Variants in ABCA5 observed in about 807,000 individuals in gnomAD.
ABCA5 encodes the protein cholesterol transporter ABCA5.
ABCA5 carries 163 observed loss-of-function variants against 206.0 expected under a neutral mutation model. The observed-to-expected ratio is 0.79, with a 90% CI of 0.70 to 0.90. The LOEUF (loss-of-function observed/expected upper bound fraction) is 0.90. Among genes scored for constraint, ABCA5 ranks in the 40% least tolerant of loss-of-function variants. The probability of loss-of-function intolerance (pLI) is 0.00; values close to 1 mark genes in which losing one functional copy is unlikely to be tolerated. For synonymous variants in ABCA5, 609 were observed against 613.8 expected, an observed-to-expected ratio of 0.99 and a Z score of 0.11; for missense variants, 1,859 against 1,912.9, an observed-to-expected ratio of 0.97 and a Z score of 0.53.
Position 69,289,157 on chromosome 17 carries a change from T to C in ABCA5, c.1902+20A>G. Reference sequence around the variant, plus strand: ...ACATAATTTAAAATGAGCTCATCTGTAAAAGTAATATTTATTTACCTTTGG... The same window carrying C: ...ACATAATTTAAAATGAGCTCATCTGCAAAAGTAATATTTATTTACCTTTGG... On this transcript the variant is annotated intron_variant, in intron 14 of 38. Coordinates refer to ENST00000392676, the MANE Select transcript of ABCA5 (RefSeq NM_172232.4). 2.5e-6 allele frequency: 4 copies of C among 1,592,622 alleles called. No individual in the cohort carries two copies. The highest frequency in any genetic ancestry group is 3.4e-6 in the Non-Finnish European group (4 of 1,173,094).
chr17:69,264,709 C>T (rs769183518), intron 24 of ABCA5, 26 bp downstream of exon 24: 1 of 1,404,224 alleles, frequency 7.1e-7, no homozygotes, highest in South Asian at 1.8e-5. Flanking sequence ...CTATAAATAG[C>T]ATGAGTACAA....
intron 20 of ABCA5, 62 bp from the exon 21 acceptor site, chr17:69,271,351 G>A: frequency 6.9e-7 from 1 of 1,459,568 alleles, no homozygotes; most frequent in Non-Finnish European, 9.3e-7. Flanking sequence ...TAGTAACACT[G>A]GGAAGATAAT....
Position 69,326,115 on chromosome 17 carries a change from G to A in ABCA5, c.-16+937C>T, listed in dbSNP as rs1434039770. Among the ~76,000 whole-genome samples the A allele has an allele frequency of 2.6e-5, 4 of 152,146 alleles. 1 individual carries two copies. The highest frequency in any genetic ancestry group is 5.9e-5 in the Non-Finnish European group (4 of 68,020). Reference sequence around the variant, plus strand: ...AATTAGGGTCTGGCAGCCCGGGTTGGAATCTCAACTCCATCCTTTTACTAG... The same window carrying A: ...AATTAGGGTCTGGCAGCCCGGGTTGAAATCTCAACTCCATCCTTTTACTAG... On this transcript the variant is annotated intron_variant, in intron 1 of 38. Transcript: ENST00000392676. This position sits in a 1 kb window ranked among gnomAD's most constrained non-coding sequence, Gnocchi z 4.8.
chr17:69,255,663 TAATC>T (rs1465984498), intron 30 of ABCA5, 29 bp from the exon 31 acceptor site: 1 of 1,572,908 alleles, frequency 6.4e-7, no homozygotes, highest in African/African-American at 1.4e-5. Context: ...AAAAAAATCA[TAATC>T]AAATCATACT....
rs569975960 is a variant in ABCA5, at chr17:69,252,440, C to T, written c.4416-574G>A. 2.8e-4 allele frequency among the ~76,000 whole-genome samples: 43 copies of T among 152,176 alleles called. No individual in the cohort carries two copies. In the South Asian group the frequency reaches 3.5e-3, roughly 12 times the overall value. On this transcript the variant is annotated intron_variant, in intron 34 of 38. Transcript: ENST00000392676. ...CAACAAATAAATTTTAAAATTGATGCCTTTTCATGTTATAACCAAAACAGG... is the reference window on the plus strand; with the variant it reads ...CAACAAATAAATTTTAAAATTGATGTCTTTTCATGTTATAACCAAAACAGG...
At chr17:69,291,142 G>C in intron 12 of ABCA5, 74 bp downstream of exon 12, 1 of 957,484 alleles carries the variant, frequency 1.0e-6, no homozygotes, top group South Asian at 2.6e-5. Flanking sequence ...TGGTCCCATT[G>C]ACAAAAATTA....
intron 1 of ABCA5, chr17:69,325,674 C>T (rs1028483027): frequency 1.3e-5 from 2 of 152,106 alleles, no homozygotes; most frequent in African/African-American, 4.8e-5. Context: ...AAGACTTCGT[C>T]TCTGAAAAAC....
At chr17:69,320,859 T>A (rs991871654) in intron 1 of ABCA5, among the ~76,000 whole-genome samples, 32 of 152,312 alleles carry the variant, frequency 2.1e-4, no homozygotes, top group African/African-American at 7.2e-4. Flanking sequence ...AAACACTAAC[T>A]CTACCCTATA....
At position 69,244,449 on chromosome 17, in the gene ABCA5, T is replaced by A. The variant is rs1012988540; in HGVS notation, c.*3088A>T. 4.0e-5 allele frequency: 6 copies of A among 151,890 alleles called. No homozygotes were observed. The highest frequency in any genetic ancestry group is 1.4e-4 in the African/African-American group (6 of 41,418). 9.4% of individuals were successfully genotyped at this position (151,890 alleles called of 1,614,324 possible). A position where few individuals can be genotyped will look rare whatever the true frequency, so the allele number is the denominator to read the frequency against. ...CAACTCTTAAAGCTTATTATTAATA[T>A]AATCATATTTATTTTTCTTAAAGAG... On this transcript the variant is annotated 3_prime_UTR_variant, in exon 39 of 39. Coordinates refer to ENST00000392676, the MANE Select transcript of ABCA5 (RefSeq NM_172232.4).
At chr17:69,253,314 T>C (rs2144894305) in intron 34 of ABCA5, among the ~76,000 whole-genome samples, 1 of 152,324 alleles carries the variant, frequency 6.6e-6, no homozygotes, top group East Asian at 1.9e-4. Context: ...TTCAGAACAC[T>C]AGAACTCTTT....
At chr17:69,293,477 C>T (rs1249209278) in intron 11 of ABCA5, among the ~76,000 whole-genome samples, 3 of 152,048 alleles carry the variant, frequency 2.0e-5, no homozygotes, top group South Asian at 2.1e-4. Flanking sequence ...GCTATGGTGC[C>T]GTTATTTGGT....
At chr17:69,248,704 T>A (rs1472311388) in intron 37 of ABCA5, 1 of 162,500 alleles carries the variant, frequency 6.2e-6, no homozygotes. Flanking sequence ...AACCTTTTGT[T>A]TTGTTTTGTT....
At chr17:69,295,470 A>G (rs565823589) in intron 10 of ABCA5, among the ~76,000 whole-genome samples, 6 of 152,192 alleles carry the variant, frequency 3.9e-5, no homozygotes, top group Admixed American at 2.6e-4. Flanking sequence ...GAGATAATTG[A>G]GTCACATGGC....
chr17:69,275,072 G>A (rs1276601993), intron 19 of ABCA5, among the ~76,000 whole-genome samples: 1 of 151,936 alleles, frequency 6.6e-6, no homozygotes, highest in Non-Finnish European at 1.5e-5. Context: ...TCAAACTCCT[G>A]GCCTCAAGTG....
At chr17:69,267,212 C>T (rs967060230) in intron 23 of ABCA5, among the ~76,000 whole-genome samples, 11 of 152,050 alleles carry the variant, frequency 7.2e-5, no homozygotes, top group African/African-American at 2.4e-4. Context: ...AAATAATGAG[C>T]TCATTATTCA....
At position 69,291,451 on chromosome 17, in the gene ABCA5, C is replaced by T. The variant is rs550657999; in HGVS notation, c.1496-125G>A. 1.8e-5 allele frequency: 9 copies of T among 493,930 alleles called. No homozygotes were observed. The East Asian group carries it at 2.9e-4, about 16-fold the overall frequency. 30.6% of individuals were successfully genotyped at this position (493,930 alleles called of 1,614,324 possible). Reference sequence around the variant, plus strand: ...ATAAATACATATTTAAAGTTACCAGCATATTTGATAGCAGGTAAAACAGCT... The same window carrying T: ...ATAAATACATATTTAAAGTTACCAGTATATTTGATAGCAGGTAAAACAGCT... On this transcript the variant is annotated intron_variant, in intron 11 of 38. Coordinates refer to ENST00000392676, the MANE Select transcript of ABCA5 (RefSeq NM_172232.4).
In ABCA5 at chr17:69,314,374, G is replaced by A. The variant is rs774259889; in HGVS notation, c.42C>T (p.Thr14=). 1.2e-6 allele frequency: 2 copies of A among 1,613,694 alleles called. No homozygotes were observed. ...AIREVGVWRQ[T]RTLLLKNYLI... ...AGTAATTCTTCAGTAGAAGTGTTCT[G>A]GTCTGTCTCCAAACTCCTACCTCCC... The change falls in exon 2 of 39, where the codon ACC becomes ACT. Residue 14 remains threonine, a synonymous_variant. Transcript: ENST00000392676.
intron 9 of ABCA5, among the ~76,000 whole-genome samples, chr17:69,300,418 T>A (rs936264060): frequency 6.6e-6 from 1 of 152,148 alleles, no homozygotes; most frequent in African/African-American, 2.4e-5. Context: ...GCTAGTAAGA[T>A]CTGTGTCCTG....
intron 11 of ABCA5, among the ~76,000 whole-genome samples, chr17:69,293,492 TA>T (rs1394839910): frequency 4.6e-5 from 7 of 152,198 alleles, no homozygotes; most frequent in African/African-American, 1.7e-4. Flanking sequence ...TTTGGTCAAA[TA>T]CTGATGTAGA....
Sources: gnomAD v4.1 joint callset for allele counts (sites outside exome capture counted in the v4.1 genomes callset) on GRCh38, gnomAD v4.1.1 for gene constraint, Gnocchi (gnomAD v3.1) non-coding constraint, MANE v1.5 for transcripts, NCBI Gene and HGNC (gene_info 2026-07-23, HGNC 2026-07-21) for gene names.